The following FRY variants were observed in gnomAD, a reference collection of about 807,000 sequenced individuals.
FRY encodes the protein protein furry homolog.
In FRY, 128 loss-of-function variants were observed where a neutral mutation model predicts 348.4. The observed-to-expected ratio is 0.37, with a 90% CI of 0.32 to 0.43. The LOEUF (loss-of-function observed/expected upper bound fraction) is 0.43. Ranked by LOEUF, FRY falls within the 20% of genes least tolerant of loss-of-function variation. The pLI is 1.00. For synonymous variants in FRY, 1,370 were observed against 1,374.7 expected, an observed-to-expected ratio of 1.00 and a Z score of 0.08; for missense variants, 2,736 against 3,695.2, an observed-to-expected ratio of 0.74 and a Z score of 6.73.
intron 58 of FRY, among the ~76,000 whole-genome samples, chr13:32,289,248 G>A (rs1889217514): frequency 6.6e-6 from 1 of 151,912 alleles, no homozygotes; most frequent in Non-Finnish European, 1.5e-5. Flanking sequence ...TTAATGTTTT[G>A]CCTTTCAAAT....
chr13:32,151,276 T>C (rs1172950431), intron 14 of FRY, among the ~76,000 whole-genome samples: 4 of 152,200 alleles, frequency 2.6e-5, no homozygotes, highest in Non-Finnish European at 5.9e-5. Flanking sequence ...AACCTCTCTG[T>C]GTAGAGCAGT....
intron 3 of FRY, among the ~76,000 whole-genome samples, chr13:32,111,348 T>C (rs1877944898): frequency 6.6e-6 from 1 of 151,442 alleles, no homozygotes. Flanking sequence ...AAAAAAAAAT[T>C]AGCTGGGCGT....
At chr13:32,235,905 G>T (rs1593781598) in intron 42 of FRY, among the ~76,000 whole-genome samples, 173 bp from the exon 43 acceptor site, 5 of 152,282 alleles carry the variant, frequency 3.3e-5, no homozygotes, top group South Asian at 2.1e-4. Flanking sequence ...ATGATTATCT[G>T]CTAACTCCTA....
chr13:32,242,980 G>T (rs570336966), intron 46 of FRY, among the ~76,000 whole-genome samples: 20 of 151,938 alleles, frequency 1.3e-4, no homozygotes, highest in Non-Finnish European at 2.6e-4. Flanking sequence ...TTTCCTTTTG[G>T]TCAATATCAT....
At chr13:32,129,014 G>A (rs542548436) in intron 7 of FRY, among the ~76,000 whole-genome samples, 1 of 152,204 alleles carries the variant, frequency 6.6e-6, no homozygotes, top group African/African-American at 2.4e-5. Context: ...TCCTTCTGAG[G>A]CCTCTCTCCT....
In FRY at chr13:32,297,037, G is replaced by A. The variant is rs2072073680; in HGVS notation, c.*1577G>A. On this transcript the variant is annotated 3_prime_UTR_variant, in exon 61 of 61. Transcript: ENST00000542859. The stretch of plus-strand genomic sequence containing the variant: ...CCCCCAGGAACACAGGGAGAAACAT[G>A]TAACAATCTCATTTATGCCGTCTTT... 6.6e-6 allele frequency: 1 copy of A among 152,206 alleles called. No individual in the cohort carries two copies. The highest frequency in any genetic ancestry group is 1.5e-5 in the Non-Finnish European group (1 of 68,030). 9.4% of individuals were successfully genotyped at this position (152,206 alleles called of 1,614,324 possible). A position where few individuals can be genotyped will look rare whatever the true frequency, so the allele number is the denominator to read the frequency against.
intron 1 of FRY, chr13:32,038,393 C>T (rs1206029508): frequency 6.6e-6 from 1 of 152,156 alleles, no homozygotes; most frequent in Non-Finnish European, 1.5e-5. Context: ...TCTTAGTCCT[C>T]TTTTTTAAAC....
At chr13:32,110,731 A>G (rs1877898969) in intron 3 of FRY, among the ~76,000 whole-genome samples, 1 of 152,216 alleles carries the variant, frequency 6.6e-6, no homozygotes, top group South Asian at 2.1e-4. Context: ...TGATATAAAC[A>G]TACAATGTGT....
At chr13:32,097,519 C>T (rs1293325411) in intron 2 of FRY, among the ~76,000 whole-genome samples, 1 of 151,972 alleles carries the variant, frequency 6.6e-6, no homozygotes, top group East Asian at 1.9e-4. Flanking sequence ...CGCCACCACA[C>T]TCAGCTAATT....
chr13:32,152,837 A>G (rs1880881652), intron 14 of FRY, among the ~76,000 whole-genome samples: 2 of 152,208 alleles, frequency 1.3e-5, no homozygotes. Context: ...ACAGACTGGG[A>G]GAAAATATTT....
intron 15 of FRY, 49 bp from the exon 16 acceptor site, chr13:32,157,224 T>A (rs1881168903): frequency 6.5e-7 from 1 of 1,550,074 alleles, no homozygotes; most frequent in Admixed American, 1.7e-5. Flanking sequence ...AATCAGGATA[T>A]CCTTTGATAG....
rs377052293 is a variant in FRY, at chr13:32,239,400, G to A, written c.6516+51G>A. On this transcript the variant is annotated intron_variant, in intron 45 of 60. Transcript: ENST00000542859. The surrounding 1 kb of genome is among the most constrained non-coding windows in gnomAD (Gnocchi z 4.3). Reference sequence around the variant, plus strand: ...GCAGATCCATAGAGGCCTTCAGGACGCCCTAGTGTCAGGCAAATTACAAGG... The same window carrying A: ...GCAGATCCATAGAGGCCTTCAGGACACCCTAGTGTCAGGCAAATTACAAGG... 5.4e-6 allele frequency: 6 copies of A among 1,115,642 alleles called. No individual in the cohort carries two copies. The highest frequency in any genetic ancestry group is 3.1e-5 in the African/African-American group (2 of 65,262). 69.1% of individuals were successfully genotyped at this position (1,115,642 alleles called of 1,614,324 possible). A position where few individuals can be genotyped will look rare whatever the true frequency, so the allele number is the denominator to read the frequency against.
chr13:32,236,253 A>G, intron 43 of FRY, 81 bp downstream of exon 43: 2 of 1,048,768 alleles, frequency 1.9e-6, no homozygotes, highest in Non-Finnish European at 3.0e-6. Context: ...TAGGAAAAGT[A>G]CAAAGAAAAA....
In FRY at chr13:32,239,247, T is replaced by C; in HGVS notation, c.6419-5T>C. 6.4e-7 allele frequency: 1 copy of C among 1,554,410 alleles called. No individual in the cohort carries two copies. The highest frequency in any genetic ancestry group is 8.9e-7 in the Non-Finnish European group (1 of 1,125,586). The stretch of plus-strand genomic sequence containing the variant: ...GCTATCTCCATTGTATCTTCTCTAA[T>C]CCAGGGTTTCCACTGAATGTCTTGT... On this transcript the variant is annotated splice_region_variant and splice_polypyrimidine_tract_variant and intron_variant, in intron 44 of 60. Coordinates refer to ENST00000542859, the MANE Select transcript of FRY (RefSeq NM_023037.3). This position sits in a 1 kb window ranked among gnomAD's most constrained non-coding sequence, Gnocchi z 4.3.
In FRY at chr13:32,237,289, C is replaced by A; in HGVS notation, c.5811-90C>A. The A allele has an allele frequency of 8.1e-7, 1 of 1,231,998 alleles. No individual in the cohort carries two copies. The highest frequency in any genetic ancestry group is 1.2e-6 in the Non-Finnish European group (1 of 844,510). 76.3% of individuals were successfully genotyped at this position (1,231,998 alleles called of 1,614,324 possible). On this transcript the variant is annotated intron_variant, in intron 43 of 60. Coordinates refer to ENST00000542859, the MANE Select transcript of FRY (RefSeq NM_023037.3). The surrounding 1 kb of genome is among the most constrained non-coding windows in gnomAD (Gnocchi z 6.3). ...GTGGCATTTCTAAAGAATGATTTCCCTCCTGCAGTGTTTCTCAGTGGACTT... is the reference window on the plus strand; with the variant it reads ...GTGGCATTTCTAAAGAATGATTTCCATCCTGCAGTGTTTCTCAGTGGACTT...
Position 32,295,194 on chromosome 13 carries a change from G to C in FRY, c.8784-8G>C. On this transcript the variant is annotated splice_region_variant and splice_polypyrimidine_tract_variant and intron_variant, in intron 60 of 60. Coordinates refer to ENST00000542859, the MANE Select transcript of FRY (RefSeq NM_023037.3). ...GCCTCTAATCTGTGCTGTTCTTTTT[G>C]ACTGCAGAAGTCTGTGGCCCAATGA... 6 of 1,613,640 alleles carry C rather than the reference G, an allele frequency of 3.7e-6. No individual in the cohort carries two copies. In the South Asian group the frequency reaches 6.6e-5, roughly 18 times the overall value.
chr13:32,039,919 C>T (rs1207550150), intron 1 of FRY, among the ~76,000 whole-genome samples: 1 of 152,216 alleles, frequency 6.6e-6, no homozygotes, highest in Non-Finnish European at 1.5e-5. Context: ...CTGACTGCTT[C>T]TGCTGTTCTT....
At chr13:32,275,185 T>A (rs1249368322) in intron 56 of FRY, 194 bp downstream of exon 56, 1 of 480,068 alleles carries the variant, frequency 2.1e-6, no homozygotes, top group Non-Finnish European at 3.9e-6. Context: ...GAGACCATCC[T>A]GGCTAACACG....
intron 29 of FRY, among the ~76,000 whole-genome samples, chr13:32,199,475 A>G (rs2520697): frequency 6.6e-6 from 1 of 152,006 alleles, no homozygotes; most frequent in Non-Finnish European, 1.5e-5. Context: ...TGTGCATTGA[A>G]GGAGTATTTT....
Sources: allele counts gnomAD v4.1 joint callset (sites outside exome capture counted in the v4.1 genomes callset), GRCh38; gene constraint gnomAD v4.1.1; non-coding constraint Gnocchi (gnomAD v3.1); transcripts MANE v1.5; gene names NCBI Gene and HGNC (gene_info 2026-07-23, HGNC 2026-07-21).